Variants in ARHGAP24 observed in about 807,000 individuals in gnomAD.
ARHGAP24 encodes the protein Rho GTPase activating protein 24.
A neutral mutation model predicts 76.4 loss-of-function variants in ARHGAP24; 50 were observed. The observed-to-expected ratio is 0.65, with a 90% CI of 0.52 to 0.83. ARHGAP24 has a LOEUF of 0.83. Among genes scored for constraint, ARHGAP24 ranks in the 40% least tolerant of loss-of-function variants. The probability of loss-of-function intolerance (pLI) is 0.00; values close to 1 mark genes in which losing one functional copy is unlikely to be tolerated. For synonymous variants in ARHGAP24, 345 were observed against 323.3 expected (o/e 1.07, Z -0.72); for missense variants, 930 against 914.2 (o/e 1.02, Z -0.22).
intron 3 of ARHGAP24, among the ~76,000 whole-genome samples, chr4:85,842,246 A>G (rs1730638809): frequency 6.6e-6 from 1 of 152,272 alleles, no homozygotes; most frequent in South Asian, 2.1e-4. Context: ...TTCACTTTAC[A>G]TGCAAATCCT....
At chr4:85,977,715 C>T in intron 8 of ARHGAP24, 24 bp downstream of exon 8, 2 of 1,611,278 alleles carry the variant, frequency 1.2e-6, no homozygotes, top group Admixed American at 1.7e-5. Flanking sequence ...TATCTTATAC[C>T]CTTATCAAAA....
intron 8 of ARHGAP24, chr4:85,992,295 G>T (rs1248391078): frequency 2.6e-6 from 1 of 389,782 alleles, no homozygotes; most frequent in Non-Finnish European, 4.5e-6. Context: ...TTTACAAGGG[G>T]CTATGGCCAT....
At chr4:85,846,299 G>A (rs1483046095) in intron 3 of ARHGAP24, among the ~76,000 whole-genome samples, 2 of 152,282 alleles carry the variant, frequency 1.3e-5, no homozygotes, top group African/African-American at 4.8e-5. Flanking sequence ...CAAAAAAGCT[G>A]CCTTCCCACA....
At chr4:85,676,303 A>G (rs1036068354) in intron 2 of ARHGAP24, among the ~76,000 whole-genome samples, 8 of 152,236 alleles carry the variant, frequency 5.3e-5, no homozygotes, top group Admixed American at 4.6e-4. Flanking sequence ...ACAAAAAGCC[A>G]TATCAAATTA....
chr4:85,508,966 A>G (rs1184898014), intron 1 of ARHGAP24, among the ~76,000 whole-genome samples: 1 of 151,796 alleles, frequency 6.6e-6, no homozygotes, highest in Non-Finnish European at 1.5e-5. Flanking sequence ...CTGCCCTTCC[A>G]TGAAGCCTTC....
At chr4:85,750,801 T>C (rs547153022) in intron 3 of ARHGAP24, among the ~76,000 whole-genome samples, 5 of 152,096 alleles carry the variant, frequency 3.3e-5, no homozygotes, top group Admixed American at 6.5e-5. Flanking sequence ...CCTGGCACCA[T>C]TCATTCCTTT....
At chr4:85,533,722 AAC>A (rs1477552224) in intron 1 of ARHGAP24, among the ~76,000 whole-genome samples, 1 of 152,200 alleles carries the variant, frequency 6.6e-6, no homozygotes, top group East Asian at 1.9e-4. Flanking sequence ...TGCTATCACT[AAC>A]ATAATTTTGT....
At chr4:85,612,494 A>G (rs1486049368) in intron 2 of ARHGAP24, among the ~76,000 whole-genome samples, 2 of 152,044 alleles carry the variant, frequency 1.3e-5, no homozygotes, top group Non-Finnish European at 2.9e-5. Flanking sequence ...CAAAATGCGT[A>G]ATTTCATATT....
chr4:85,771,619 C>T (rs1345199754), intron 3 of ARHGAP24, among the ~76,000 whole-genome samples: 1 of 152,220 alleles, frequency 6.6e-6, no homozygotes, highest in Non-Finnish European at 1.5e-5. Flanking sequence ...TATAATTAAC[C>T]ATCACAGCCC....
chr4:85,969,217 T>C (rs1738815683), intron 5 of ARHGAP24, among the ~76,000 whole-genome samples: 1 of 152,150 alleles, frequency 6.6e-6, no homozygotes, highest in Non-Finnish European at 1.5e-5. Flanking sequence ...GTTTATAAAA[T>C]GCTTCACTTC....
intron 8 of ARHGAP24, among the ~76,000 whole-genome samples, chr4:85,988,376 A>G (rs1338869005): frequency 1.3e-5 from 2 of 151,884 alleles, no homozygotes; most frequent in Non-Finnish European, 3.0e-5. Context: ...TAATACATAC[A>G]GAAATGAAAT....
intron 4 of ARHGAP24, chr4:85,930,164 C>A: frequency 1.2e-6 from 1 of 823,470 alleles, no homozygotes; most frequent in African/African-American, 1.9e-5. Flanking sequence ...AAAGGGGAGA[C>A]GGAGCAGGAG....
At chr4:85,625,103 C>G (rs1720891017) in intron 2 of ARHGAP24, among the ~76,000 whole-genome samples, 1 of 151,920 alleles carries the variant, frequency 6.6e-6, no homozygotes, top group Admixed American at 6.6e-5. Flanking sequence ...TTATTTCTTG[C>G]CTTCTGCTAG....
intron 2 of ARHGAP24, among the ~76,000 whole-genome samples, chr4:85,655,818 AAG>A (rs70948743): frequency 4.5e-4 from 16 of 35,512 alleles, no homozygotes; most frequent in African/African-American, 1.5e-3. Flanking sequence ...GAGAGAGAGA[AAG>A]AGAGAGAGAG....
At chr4:85,870,060 A>T (rs1161325516) in intron 3 of ARHGAP24, among the ~76,000 whole-genome samples, 1 of 152,212 alleles carries the variant, frequency 6.6e-6, no homozygotes, top group Non-Finnish European at 1.5e-5. Context: ...TGTGTGGATT[A>T]ATTGAGTTAA....
At chr4:85,714,506 T>C (rs1357559916) in intron 2 of ARHGAP24, among the ~76,000 whole-genome samples, 1 of 152,148 alleles carries the variant, frequency 6.6e-6, no homozygotes, top group Non-Finnish European at 1.5e-5. Context: ...TATTTGCTAA[T>C]TATAAAATAG....
At chr4:85,643,804 A>G (rs192149526) in intron 2 of ARHGAP24, among the ~76,000 whole-genome samples, 150 of 152,296 alleles carry the variant, frequency 9.8e-4, no homozygotes, top group African/African-American at 3.5e-3. Flanking sequence ...GAATGAATCA[A>G]TCAGTGAGAA....
chr4:85,706,507 G>T (rs891190023), intron 2 of ARHGAP24, among the ~76,000 whole-genome samples: 1 of 151,258 alleles, frequency 6.6e-6, no homozygotes, highest in African/African-American at 2.4e-5. Context: ...ATTTCCACTA[G>T]ACACAAAACA....
intron 4 of ARHGAP24, among the ~76,000 whole-genome samples, chr4:85,930,091 C>T (rs1736241898): frequency 6.6e-6 from 1 of 152,346 alleles, no homozygotes; most frequent in Non-Finnish European, 1.5e-5. Flanking sequence ...GAAGCAGCCG[C>T]AGCCACAGCC....
Sources: gnomAD v4.1 joint callset for allele counts (sites outside exome capture counted in the v4.1 genomes callset) on GRCh38, gnomAD v4.1.1 for gene constraint, MANE v1.5 for transcripts, NCBI Gene and HGNC (gene_info 2026-07-23, HGNC 2026-07-21) for gene names.